Variants in TTC39C observed in about 807,000 individuals in gnomAD.
TTC39C encodes the protein tetratricopeptide repeat domain 39C, also known as tetratricopeptide repeat protein 39C.
TTC39C carries 33 observed loss-of-function variants against 76.3 expected under a neutral mutation model. The observed-to-expected ratio is 0.43, with a 90% CI of 0.33 to 0.58. The LOEUF (loss-of-function observed/expected upper bound fraction) is 0.58. Ranked by LOEUF, TTC39C falls within the 20% of genes least tolerant of loss-of-function variation. TTC39C has a pLI of 0.04. For missense variants in TTC39C, 595 were observed against 701.4 expected, an observed-to-expected ratio of 0.85 and a Z score of 1.71; for synonymous variants, 254 against 260.6, an observed-to-expected ratio of 0.97 and a Z score of 0.24.
intron 1 of TTC39C, among the ~76,000 whole-genome samples, chr18:24,056,420 C>A (rs960289600): frequency 3.3e-5 from 5 of 151,976 alleles, no homozygotes; most frequent in African/African-American, 1.2e-4. Flanking sequence ...AAATGAAAGA[C>A]AAAAAAATTC....
chr18:24,008,197 G>A (rs1320594753), intron 1 of TTC39C, among the ~76,000 whole-genome samples: 2 of 152,064 alleles, frequency 1.3e-5, no homozygotes, highest in Non-Finnish European at 2.9e-5. Flanking sequence ...TTACAAACAG[G>A]TCATGAACAC....
chr18:24,109,329 A>AAAT (rs1471569521), intron 6 of TTC39C, among the ~76,000 whole-genome samples: 1 of 152,034 alleles, frequency 6.6e-6, no homozygotes, highest in Non-Finnish European at 1.5e-5. Context: ...ACCCTGTTTC[A>AAAT]AATAATAATA....
intron 1 of TTC39C, among the ~76,000 whole-genome samples, chr18:23,999,181 C>G (rs1386471652): frequency 6.6e-6 from 1 of 152,204 alleles, no homozygotes; most frequent in East Asian, 1.9e-4. Context: ...TCCCTTTCCA[C>G]CTTCGAAACC....
intron 11 of TTC39C, 106 bp from the exon 12 acceptor site, chr18:24,130,207 G>C: frequency 1.9e-6 from 1 of 526,550 alleles, no homozygotes; most frequent in Non-Finnish European, 3.4e-6. Flanking sequence ...ATCTGATCTA[G>C]AAAACAGAGT....
intron 8 of TTC39C, among the ~76,000 whole-genome samples, chr18:24,121,951 C>A (rs1312928251): frequency 6.6e-6 from 1 of 152,202 alleles, no homozygotes; most frequent in African/African-American, 2.4e-5. Context: ...GGTGCACACT[C>A]CTCCATCTGG....
At chr18:24,006,047 C>G (rs371656506) in intron 1 of TTC39C, among the ~76,000 whole-genome samples, 5 of 149,030 alleles carry the variant, frequency 3.4e-5, no homozygotes, top group Admixed American at 6.7e-5. Flanking sequence ...GGGTCTTGCT[C>G]TGTCACCCAG....
chr18:24,028,583 T>C (rs2083625465), intron 1 of TTC39C, among the ~76,000 whole-genome samples: 3 of 152,254 alleles, frequency 2.0e-5, no homozygotes, highest in African/African-American at 7.2e-5. Context: ...TAGTGAAAGA[T>C]GGACATTTTC....
At chr18:24,029,205 C>T (rs920467293) in intron 1 of TTC39C, among the ~76,000 whole-genome samples, 6 of 152,002 alleles carry the variant, frequency 3.9e-5, no homozygotes, top group African/African-American at 1.5e-4. Context: ...TGAGTTCAAG[C>T]GATTCTCTTG....
chr18:24,071,988 A>G (rs2084246561), intron 4 of TTC39C, among the ~76,000 whole-genome samples: 1 of 152,224 alleles, frequency 6.6e-6, no homozygotes, highest in African/African-American at 2.4e-5. Flanking sequence ...TGCTTTGTGA[A>G]TAGCTCAGTA....
At chr18:24,119,507 A>C (rs527568769) in intron 8 of TTC39C, among the ~76,000 whole-genome samples, 1 of 152,302 alleles carries the variant, frequency 6.6e-6, no homozygotes, top group East Asian at 1.9e-4. Flanking sequence ...ACCAATAAGG[A>C]TATTCTGGAT....
chr18:24,027,342 A>G (rs2083611357), intron 1 of TTC39C, among the ~76,000 whole-genome samples: 1 of 151,950 alleles, frequency 6.6e-6, no homozygotes, highest in Non-Finnish European at 1.5e-5. Context: ...CGCTTCCAGT[A>G]GAATGAGTCA....
In TTC39C at chr18:24,000,050, T is replaced by C. The variant is rs150408265; in HGVS notation, c.-17+7012T>C. ...AACCGGGGCCCAAACACCACTACCA[T>C]GGGGGCAGGACACTTTCCCTACTAC... On this transcript the variant is annotated intron_variant, in intron 1 of 13. Transcript: ENST00000304621. 9.2e-5 allele frequency among the ~76,000 whole-genome samples: 14 copies of C among 152,154 alleles called. No individual in the cohort carries two copies. In the East Asian group the frequency reaches 2.5e-3, roughly 27 times the overall value.
intron 1 of TTC39C, among the ~76,000 whole-genome samples, chr18:24,056,019 T>G (rs1340606848): frequency 1.3e-5 from 2 of 152,212 alleles, no homozygotes; most frequent in East Asian, 3.8e-4. Context: ...AGGATATCAC[T>G]TATCCTTTTG....
In TTC39C at chr18:24,132,551, C is replaced by A. The variant is rs1464635058; in HGVS notation, c.1729C>A (p.Leu577Met). Residue 577 changes from leucine (L) to methionine (M), a missense_variant, in exon 14 of 14, where the codon CTG becomes ATG. Physicochemically the swap from Leu to Met is conservative, Grantham distance 15. Coordinates refer to ENST00000317571, the MANE Select transcript of TTC39C (RefSeq NM_001135993.2). ...HVRIHAALAS[L>M]RELVPQ The stretch of plus-strand genomic sequence containing the variant: ...CCGCATCCATGCTGCTCTGGCCTCT[C>A]TGAGGGAATTGGTTCCTCAGTGACA... The A allele has an allele frequency of 6.2e-7, 1 of 1,613,998 alleles. No homozygotes were observed. Among genetic ancestry groups the A allele is most frequent in the South Asian group, 1.1e-5 (1 of 91,020 alleles).
chr18:24,079,799 T>G (rs2084354505), intron 4 of TTC39C, among the ~76,000 whole-genome samples: 1 of 30,748 alleles, frequency 3.3e-5, no homozygotes, highest in African/African-American at 9.4e-5. Flanking sequence ...TATACATTTT[T>G]TTCTTTCTTT....
At chr18:23,995,027 G>C (rs2083250135) in intron 1 of TTC39C, among the ~76,000 whole-genome samples, 1 of 152,078 alleles carries the variant, frequency 6.6e-6, no homozygotes, top group African/African-American at 2.4e-5. Flanking sequence ...GTGTAGGTTT[G>C]TCTAATCAGC....
At chr18:24,085,029 G>A (rs1599310267) in intron 6 of TTC39C, among the ~76,000 whole-genome samples, 1 of 152,194 alleles carries the variant, frequency 6.6e-6, no homozygotes, top group African/African-American at 2.4e-5. Flanking sequence ...TTCAAGTTCT[G>A]AGTAGCTTTG....
intron 4 of TTC39C, 132 bp downstream of exon 4, chr18:24,069,403 A>T (rs1220642800): frequency 6.9e-6 from 5 of 720,898 alleles, no homozygotes; most frequent in Non-Finnish European, 9.0e-6. Context: ...ATACTGATTT[A>T]TTACTGGGGA....
intron 6 of TTC39C, chr18:24,113,531 G>T: frequency 1.4e-6 from 1 of 700,030 alleles, no homozygotes; most frequent in Non-Finnish European, 2.6e-6. Flanking sequence ...GGAAGCCCAG[G>T]GGAGGGAAGT....
Sources: allele counts gnomAD v4.1 joint callset (sites outside exome capture counted in the v4.1 genomes callset), GRCh38; gene constraint gnomAD v4.1.1; transcripts MANE v1.5; gene names NCBI Gene and HGNC (gene_info 2026-07-23, HGNC 2026-07-21).